KCNMB2: variants seen among roughly 807,000 people sequenced by gnomAD.
KCNMB2 encodes potassium calcium-activated channel subfamily M regulatory beta subunit 2.
Under a neutral mutation model 24.5 loss-of-function variants are expected in KCNMB2, and 9 were observed. The ratio of observed to expected loss-of-function variants is 0.37; its 90% CI spans 0.22 to 0.64. The LOEUF is 0.64. KCNMB2 is among the 30% of genes least tolerant of loss of function. KCNMB2 has a pLI of 0.63. For synonymous variants in KCNMB2, 109 were observed against 104.4 expected (o/e 1.04, Z -0.27); for missense variants, 226 against 284.3 (o/e 0.79, Z 1.47).
chr3:178,551,454 T>C (rs1715950386), intron 1 of KCNMB2, among the ~76,000 whole-genome samples: 1 of 152,210 alleles, frequency 6.6e-6, no homozygotes, highest in Non-Finnish European at 1.5e-5. Context: ...CAGGCCACAC[T>C]GCCTGACCTA....
At chr3:178,830,020 C>A (rs7640000) in intron 4 of KCNMB2, among the ~76,000 whole-genome samples, 98,158 of 151,982 alleles carry the variant, frequency 0.65, 33,586 homozygotes, top group African/African-American at 0.87. Flanking sequence ...ATTTTCTGTA[C>A]CCCAAAAACA....
intron 1 of KCNMB2, among the ~76,000 whole-genome samples, chr3:178,773,284 T>C (rs1476524251): frequency 6.7e-6 from 1 of 148,390 alleles, no homozygotes; most frequent in Non-Finnish European, 1.5e-5. Context: ...TTCCACTTCA[T>C]TATTTTCTTG....
rs114751041 is a variant in KCNMB2 at position 178,789,195 on chromosome 3, C to T, written c.-67-18148C>T. The stretch of plus-strand genomic sequence containing the variant: ...ACATTATTTAACCTGAGCTGCTGTC[C>T]TCCTGAAACAGATGTCAATGCGTCA... On this transcript the variant is annotated intron_variant, in intron 1 of 4. Transcript: ENST00000452583. 8.9e-3 allele frequency among the ~76,000 whole-genome samples: 1,354 copies of T among 152,310 alleles called. 21 individuals are homozygous for T. Among genetic ancestry groups the T allele is most frequent in the African/African-American group, 0.031 (1,268 of 41,572 alleles).
At chr3:178,734,590 G>T (rs1723258732) in intron 1 of KCNMB2, among the ~76,000 whole-genome samples, 1 of 152,094 alleles carries the variant, frequency 6.6e-6, no homozygotes, top group African/African-American at 2.4e-5. Context: ...CTATTATTTT[G>T]TCCAGTCTTT....
intron 1 of KCNMB2, among the ~76,000 whole-genome samples, chr3:178,605,351 A>G (rs1437563095): frequency 6.6e-6 from 1 of 152,200 alleles, no homozygotes; most frequent in East Asian, 1.9e-4. Flanking sequence ...TGTTGTTTAT[A>G]AAAGCTACTT....
chr3:178,645,339 C>T lies in KCNMB2; in HGVS notation c.-68+108628C>T, dbSNP rs372504237. Among the ~76,000 whole-genome samples the T allele has an allele frequency of 2.8e-4, 43 of 152,128 alleles. 1 individual carries two copies. The South Asian group carries it at 8.5e-3, about 30-fold the overall frequency. ...TGCTAGGATTACAAGTATGAGCCAC[C>T]GCACCCAGCCTAAGATCCAAGATTC... On this transcript the variant is annotated intron_variant, in intron 1 of 4. Transcript: ENST00000452583.
At chr3:178,767,915 GA>G (rs1712189511) in intron 1 of KCNMB2, among the ~76,000 whole-genome samples, 1 of 152,180 alleles carries the variant, frequency 6.6e-6, no homozygotes, top group South Asian at 2.1e-4. Flanking sequence ...CAATCTATTG[GA>G]AAGGACTTTT....
At chr3:178,762,847 T>C (rs1577167604) in intron 1 of KCNMB2, among the ~76,000 whole-genome samples, 1 of 142,902 alleles carries the variant, frequency 7.0e-6, no homozygotes, top group Non-Finnish European at 1.5e-5. Flanking sequence ...ATTTACTGAG[T>C]TGAAAAAAAA....
intron 1 of KCNMB2, among the ~76,000 whole-genome samples, chr3:178,626,801 A>T (rs1477768): frequency 0.7 from 105,467 of 151,022 alleles, 37,627 homozygotes; most frequent in African/African-American, 0.86. Flanking sequence ...TATCATACTA[A>T]AACTTGTTAA....
chr3:178,591,563 G>A (rs1182759464), intron 1 of KCNMB2, among the ~76,000 whole-genome samples: 1 of 152,166 alleles, frequency 6.6e-6, no homozygotes, highest in Non-Finnish European at 1.5e-5. Flanking sequence ...CATTGAAGAA[G>A]GGGGTACTCA....
chr3:178,783,971 A>G (rs751963412), intron 1 of KCNMB2, among the ~76,000 whole-genome samples: 4 of 152,200 alleles, frequency 2.6e-5, no homozygotes, highest in Non-Finnish European at 5.9e-5. Context: ...CGTCCCATCA[A>G]TATCTAATTT....
At chr3:178,639,796 T>C (rs1221120863) in intron 1 of KCNMB2, among the ~76,000 whole-genome samples, 1 of 152,232 alleles carries the variant, frequency 6.6e-6, no homozygotes, top group Non-Finnish European at 1.5e-5. Flanking sequence ...ACGTGTGCCA[T>C]GTGGTTCTAT....
chr3:178,554,119 A>G (rs777326667), intron 1 of KCNMB2, among the ~76,000 whole-genome samples: 1 of 152,062 alleles, frequency 6.6e-6, no homozygotes, highest in Non-Finnish European at 1.5e-5. Context: ...TCTGTTTCTC[A>G]GATGAGGAAA....
At chr3:178,595,794 C>T (rs186513858) in intron 1 of KCNMB2, among the ~76,000 whole-genome samples, 9 of 152,180 alleles carry the variant, frequency 5.9e-5, no homozygotes, top group East Asian at 1.9e-4. Flanking sequence ...AGCATGAGAA[C>T]GGACTAATAG....
At chr3:178,659,798 T>C (rs978908694) in intron 1 of KCNMB2, among the ~76,000 whole-genome samples, 2 of 152,246 alleles carry the variant, frequency 1.3e-5, no homozygotes, top group African/African-American at 2.4e-5. Flanking sequence ...TGGCCCATTA[T>C]AGTTCCTTAT....
At chr3:178,722,722 G>A (rs559324847) in intron 1 of KCNMB2, among the ~76,000 whole-genome samples, 4 of 152,044 alleles carry the variant, frequency 2.6e-5, no homozygotes, top group Admixed American at 6.6e-5. Context: ...GGGAAACCTC[G>A]TCTCTACAAA....
intron 1 of KCNMB2, among the ~76,000 whole-genome samples, chr3:178,699,425 A>C (rs1167523352): frequency 1.3e-5 from 2 of 152,170 alleles, no homozygotes; most frequent in African/African-American, 4.8e-5. Flanking sequence ...GATATGAGGA[A>C]TTGATGTGGG....
intron 1 of KCNMB2, among the ~76,000 whole-genome samples, chr3:178,671,411 C>G (rs935334879): frequency 6.6e-6 from 1 of 152,166 alleles, no homozygotes; most frequent in Non-Finnish European, 1.5e-5. Context: ...AGGGTCCAAA[C>G]ACACCACTAC....
At chr3:178,821,366 A>G (rs542567731) in intron 2 of KCNMB2, among the ~76,000 whole-genome samples, 1 of 152,158 alleles carries the variant, frequency 6.6e-6, no homozygotes, top group South Asian at 2.1e-4. Flanking sequence ...GGGGCCAACT[A>G]ATGCACCCTG....
Sources: gnomAD v4.1 joint callset for allele counts (sites outside exome capture counted in the v4.1 genomes callset) on GRCh38, gnomAD v4.1.1 for gene constraint, MANE v1.5 for transcripts, NCBI Gene and HGNC (gene_info 2026-07-23, HGNC 2026-07-21) for gene names.